Variants in NDUFS6 observed in about 807,000 individuals in gnomAD.
NDUFS6 encodes the protein NADH:ubiquinone oxidoreductase subunit S6.
NDUFS6 carries 14 observed loss-of-function variants against 13.2 expected under a neutral mutation model. The ratio of observed to expected loss-of-function variants is 1.06; its 90% CI spans 0.70 to 1.66. The LOEUF (loss-of-function observed/expected upper bound fraction) is 1.66, where lower values mean the gene tolerates loss of function less well. Ranked by LOEUF, NDUFS6 falls within the 40% of genes most tolerant of loss-of-function variation. The probability of loss-of-function intolerance (pLI) is 0.00; values close to 1 mark genes in which losing one functional copy is unlikely to be tolerated. For synonymous variants in NDUFS6, 95 were observed against 72.3 expected, an observed-to-expected ratio of 1.31 and a Z score of -1.60; for missense variants, 206 against 170.8, an observed-to-expected ratio of 1.21 and a Z score of -1.15.
Position 1,801,546 on chromosome 5 carries a change from C to T in NDUFS6, c.129C>T (p.Gly43=), listed in dbSNP as rs753615837. The change falls in exon 1 of 4, where the codon GGC becomes GGT. Residue 43 remains glycine, a synonymous_variant. Coordinates refer to ENST00000274137, the MANE Select transcript of NDUFS6 (RefSeq NM_004553.6). The part of the protein sequence containing the change: ...SPTGEKVTHT[G]QVYDDKDYRR... ...CCGGGGAGAAGGTCACGCACACTGG[C>T]CAGGTAACGGCCGCTGGGTACAGGA... 2.2e-5 allele frequency: 35 copies of T among 1,585,528 alleles called. No individual in the cohort carries two copies. In the Admixed American group the frequency reaches 3.1e-4, roughly 14 times the overall value.
In NDUFS6 at chr5:1,814,419, C is replaced by T. The variant is rs769132703; in HGVS notation, c.267C>T (p.Gly89=). The T allele has an allele frequency of 1.5e-5, 24 of 1,613,986 alleles. No individual in the cohort carries two copies. Among genetic ancestry groups the T allele is most frequent in the South Asian group, 8.8e-5 (8 of 91,074 alleles). Reference sequence around the variant, plus strand: ...AGACTCGGGTGATAGCGTGCGATGGCGGCGGGGGAGCTCTTGGCCACCCAA... The same window carrying T: ...AGACTCGGGTGATAGCGTGCGATGGTGGCGGGGGAGCTCTTGGCCACCCAA... ...EVETRVIACD[G]GGGALGHPKV... is the part of the protein sequence containing the mutation. Residue 89 remains glycine (G), a synonymous_variant, in exon 3 of 4, where the codon GGC becomes GGT. Coordinates refer to ENST00000274137, the MANE Select transcript of NDUFS6 (RefSeq NM_004553.6). This position sits in a 1 kb window ranked among gnomAD's most constrained non-coding sequence, Gnocchi z 4.9.
At position 1,814,455 on chromosome 5, in the gene NDUFS6, A is replaced by C. The variant is rs1253547898; in HGVS notation, c.303A>C (p.Ile101=). ...CTCTTGGCCACCCAAAAGTGTATAT[A>C]AACTTGGTGCGTAGCTGGCCACCTG... The part of the protein sequence containing the change: ...GGALGHPKVY[I]NLDKETKTGT... The change falls in exon 3 of 4, where the codon ATA becomes ATC. Residue 101 remains isoleucine, a synonymous_variant. Coordinates refer to ENST00000274137, the MANE Select transcript of NDUFS6 (RefSeq NM_004553.6). The surrounding 1 kb of genome is among the most constrained non-coding windows in gnomAD (Gnocchi z 4.9). 6.2e-7 allele frequency: 1 copy of C among 1,614,150 alleles called. No individual in the cohort carries two copies. Among genetic ancestry groups the C allele is most frequent in the African/African-American group, 1.3e-5 (1 of 75,020 alleles).
intron 2 of NDUFS6, among the ~76,000 whole-genome samples, chr5:1,806,939 G>C (rs564343616): frequency 6.6e-6 from 1 of 152,302 alleles, no homozygotes; most frequent in Non-Finnish European, 1.5e-5. Context: ...AATGTGATCT[G>C]TCCATGGACA....
chr5:1,810,053 G>A (rs1734194491), intron 2 of NDUFS6, among the ~76,000 whole-genome samples: 2 of 149,202 alleles, frequency 1.3e-5, no homozygotes, highest in South Asian at 4.2e-4. Flanking sequence ...ATATCTGTGA[G>A]GGAGAGTGGT....
chr5:1,807,111 T>TGAGGTACTCAGAGGTACTGCGG (rs1282072389), intron 2 of NDUFS6, among the ~76,000 whole-genome samples: 1 of 149,268 alleles, frequency 6.7e-6, no homozygotes, highest in Non-Finnish European at 1.5e-5. Context: ...AAGTACTGTA[T>TGAGGTACTCAGAGGTACTGCGG]GAGGTACTCA....
intron 2 of NDUFS6, among the ~76,000 whole-genome samples, chr5:1,809,345 G>A (rs1734182201): frequency 6.6e-6 from 1 of 152,184 alleles, no homozygotes; most frequent in Non-Finnish European, 1.5e-5. Flanking sequence ...CCAGGTGAAA[G>A]CAGGTGAGAA....
intron 2 of NDUFS6, among the ~76,000 whole-genome samples, chr5:1,806,144 A>C (rs1734118374): frequency 6.6e-6 from 1 of 152,236 alleles, no homozygotes; most frequent in Non-Finnish European, 1.5e-5. Flanking sequence ...AGTTTTTGAA[A>C]AGAAGGAATT....
At chr5:1,809,812 C>T (rs1734190245) in intron 2 of NDUFS6, among the ~76,000 whole-genome samples, 1 of 152,258 alleles carries the variant, frequency 6.6e-6, no homozygotes, top group South Asian at 2.1e-4. Context: ...CCAGAGCCCT[C>T]TGTAAGGCGC....
At chr5:1,812,244 G>GC (rs1734229045) in intron 2 of NDUFS6, among the ~76,000 whole-genome samples, 1 of 152,052 alleles carries the variant, frequency 6.6e-6, no homozygotes, top group Non-Finnish European at 1.5e-5. Flanking sequence ...TGTGAGGGCA[G>GC]CCAGAATCCT....
In NDUFS6 at chr5:1,801,540, C is replaced by A; in HGVS notation, c.123C>A (p.His41Gln). Residue 41 changes from histidine to glutamine, a missense_variant, in exon 1 of 4, where the codon CAC becomes CAA. His to Gln is a conservative substitution (Grantham distance 24). Transcript: ENST00000274137. ...RVSPTGEKVT[H>Q]TGQVYDDKDY... ...CGCCGACCGGGGAGAAGGTCACGCA[C>A]ACTGGCCAGGTAACGGCCGCTGGGT... The A allele has an allele frequency of 1.9e-6, 3 of 1,588,920 alleles. No homozygotes were observed. The highest frequency in any genetic ancestry group is 2.6e-6 in the Non-Finnish European group (3 of 1,174,736).
intron 2 of NDUFS6, among the ~76,000 whole-genome samples, chr5:1,807,842 T>C (rs1734151247): frequency 6.6e-6 from 1 of 151,518 alleles, no homozygotes; most frequent in Non-Finnish European, 1.5e-5. Flanking sequence ...TGAGAGGGAG[T>C]GCTGAGGTAC....
chr5:1,814,784 G>A lies in NDUFS6; in HGVS notation c.309+323G>A. The A allele has an allele frequency of 1.5e-6, 1 of 672,716 alleles. No homozygotes were observed. Among genetic ancestry groups the A allele is most frequent in the East Asian group, 2.7e-5 (1 of 36,946 alleles). The allele number at this position is 672,716 out of a possible 1,614,324, so 41.7% of individuals were successfully genotyped here. ...GCTGCCACACACAGCACCGCAGGCT[G>A]GGGTCGAAAACAACAAACACATTTC... On this transcript the variant is annotated intron_variant, in intron 3 of 3. Transcript: ENST00000274137. The surrounding 1 kb of genome is among the most constrained non-coding windows in gnomAD (Gnocchi z 4.9).
intron 2 of NDUFS6, among the ~76,000 whole-genome samples, chr5:1,812,306 C>G (rs914299711): frequency 1.8e-4 from 27 of 152,108 alleles, no homozygotes; most frequent in African/African-American, 6.5e-4. Context: ...CCCGCCCTGT[C>G]TCTCAACACT....
intron 2 of NDUFS6, among the ~76,000 whole-genome samples, chr5:1,809,735 C>G (rs979353576): frequency 3.9e-5 from 6 of 152,238 alleles, no homozygotes; most frequent in Non-Finnish European, 8.8e-5. Flanking sequence ...ATTATTTACA[C>G]CATAAGGCTT....
chr5:1,807,131 C>CGTGAGGTACTCAGAGGTACTGT (rs1197447152), intron 2 of NDUFS6, among the ~76,000 whole-genome samples: 4 of 124,878 alleles, frequency 3.2e-5, no homozygotes, highest in African/African-American at 1.4e-4. Context: ...AGAGGTACTG[C>CGTGAGGTACTCAGAGGTACTGT]GTGAGGTACT....
chr5:1,811,141 A>G lies in NDUFS6; in HGVS notation c.187-3198A>G, dbSNP rs573912337. 3.3e-5 allele frequency among the ~76,000 whole-genome samples: 5 copies of G among 152,370 alleles called. No homozygotes were observed. In the South Asian group the frequency reaches 1.0e-3, roughly 32 times the overall value. ...GCTTACTTTATTATAAGAATCCAAT[A>G]TATAATACTTGTAACATGCAAAATA... is the stretch of plus-strand genomic sequence containing the variant. On this transcript the variant is annotated intron_variant, in intron 2 of 3. Coordinates refer to ENST00000274137, the MANE Select transcript of NDUFS6 (RefSeq NM_004553.6).
intron 2 of NDUFS6, among the ~76,000 whole-genome samples, chr5:1,804,283 C>G (rs965787205): frequency 6.6e-6 from 1 of 152,234 alleles, no homozygotes; most frequent in African/African-American, 2.4e-5. Context: ...GTATGTGGGT[C>G]CCTGTCACAA....
At chr5:1,804,443 C>T (rs1473267850) in intron 2 of NDUFS6, among the ~76,000 whole-genome samples, 3 of 152,252 alleles carry the variant, frequency 2.0e-5, no homozygotes, top group Non-Finnish European at 4.4e-5. Flanking sequence ...GTGTCTGTGA[C>T]CGGCAGCTCA....
chr5:1,804,925 G>A (rs1734100385), intron 2 of NDUFS6, among the ~76,000 whole-genome samples: 2 of 152,176 alleles, frequency 1.3e-5, no homozygotes, highest in African/African-American at 2.4e-5. Context: ...GTGTTGTACC[G>A]AGTTCACTGC....
Sources: allele counts gnomAD v4.1 joint callset (sites outside exome capture counted in the v4.1 genomes callset), GRCh38; gene constraint gnomAD v4.1.1; non-coding constraint Gnocchi (gnomAD v3.1); transcripts MANE v1.5; gene names NCBI Gene and HGNC (gene_info 2026-07-23, HGNC 2026-07-21).